Variants in PPP2R2B observed in about 807,000 individuals in gnomAD.
The protein encoded by PPP2R2B is serine/threonine-protein phosphatase 2A 55 kDa regulatory subunit B beta isoform.
PPP2R2B carries 5 observed loss-of-function variants against 46.0 expected under a neutral mutation model. That is an observed-to-expected ratio of 0.11 (90% CI 0.06 to 0.23). The LOEUF is 0.23. Among genes scored for constraint, PPP2R2B ranks in the 10% least tolerant of loss-of-function variants. The probability of loss-of-function intolerance (pLI) is 1.00; values close to 1 mark genes in which losing one functional copy is unlikely to be tolerated. For missense variants in PPP2R2B, 367 were observed against 575.0 expected, an observed-to-expected ratio of 0.64 and a Z score of 3.70; for synonymous variants, 215 against 206.7, an observed-to-expected ratio of 1.04 and a Z score of -0.34.
At chr5:147,056,476 A>G (rs1172550518), upstream of PPP2R2B, among the ~76,000 whole-genome samples, 7 of 152,218 alleles carry the variant, frequency 4.6e-5, no homozygotes, top group Admixed American at 3.9e-4. Flanking sequence ...CAGCCTTAAC[A>G]GTGAAGCAAT....
At chr5:146,687,503 G>T (rs146185567) in intron 5 of PPP2R2B, among the ~76,000 whole-genome samples, 1 of 151,962 alleles carries the variant, frequency 6.6e-6, no homozygotes, top group Admixed American at 6.6e-5. Flanking sequence ...CTAGATACCC[G>T]CATTTTCACC....
At chr5:146,942,515 A>C (rs980207222) in intron 1 of PPP2R2B, among the ~76,000 whole-genome samples, 2 of 152,194 alleles carry the variant, frequency 1.3e-5, no homozygotes, top group African/African-American at 4.8e-5. Context: ...GCACTTGTGC[A>C]ATTACTTCTT....
chr5:146,609,308 ACT>A (rs2151033393), intron 7 of PPP2R2B, among the ~76,000 whole-genome samples: 1 of 152,360 alleles, frequency 6.6e-6, no homozygotes, highest in African/African-American at 2.4e-5. Context: ...AAAGATGCCC[ACT>A]GTCACCACTG....
chr5:146,661,408 G>A (rs555536120), intron 5 of PPP2R2B, among the ~76,000 whole-genome samples: 35 of 151,982 alleles, frequency 2.3e-4, no homozygotes, highest in Admixed American at 5.3e-4. Flanking sequence ...TCATGAAGAC[G>A]TTTTGGATTA....
intron 1 of PPP2R2B, among the ~76,000 whole-genome samples, chr5:146,974,296 C>A (rs1752794610): frequency 6.6e-6 from 1 of 152,158 alleles, no homozygotes; most frequent in Admixed American, 6.5e-5. Context: ...CTTTAACATA[C>A]ATTAATTTAT....
chr5:146,911,716 A>G lies in PPP2R2B; in HGVS notation c.79+143949T>C, dbSNP rs151135634. Among the ~76,000 whole-genome samples the G allele has an allele frequency of 6.6e-5, 10 of 152,300 alleles. No individual in the cohort carries two copies. In the East Asian group the frequency reaches 1.9e-3, roughly 29 times the overall value. Reference sequence around the variant, plus strand: ...GTGAACCCAAATACCTCTTCCCTCTATATGGCCACACCTAGGTCCAATTTT... The same window carrying G: ...GTGAACCCAAATACCTCTTCCCTCTGTATGGCCACACCTAGGTCCAATTTT... On this transcript the variant is annotated intron_variant, in intron 1 of 8. Transcript: ENST00000336640.
chr5:147,069,797 T>G (rs891793866), intron 2 of PPP2R2B, among the ~76,000 whole-genome samples: 1 of 126,956 alleles, frequency 7.9e-6, no homozygotes, highest in South Asian at 2.8e-4. Context: ...TTTTTTTTTT[T>G]TTTTTTTTTT....
At chr5:146,956,335 C>T (rs940085787) in intron 1 of PPP2R2B, among the ~76,000 whole-genome samples, 1 of 152,100 alleles carries the variant, frequency 6.6e-6, no homozygotes, top group East Asian at 1.9e-4. Context: ...TCTTGACTCC[C>T]ATGCTCTTTG....
intron 7 of PPP2R2B, among the ~76,000 whole-genome samples, chr5:146,631,774 AT>A (rs557167817): frequency 2.1e-4 from 32 of 152,278 alleles, no homozygotes; most frequent in Non-Finnish European, 1.2e-4. Context: ...TCGAGACCCA[AT>A]GCACAGGTTT....
intron 1 of PPP2R2B, among the ~76,000 whole-genome samples, chr5:146,900,268 C>T (rs1387123932): frequency 1.3e-5 from 2 of 152,152 alleles, no homozygotes; most frequent in African/African-American, 4.8e-5. Context: ...CATACCTGAG[C>T]CAATCTGCTA....
intron 1 of PPP2R2B, among the ~76,000 whole-genome samples, chr5:147,041,899 C>T (rs1756326737): frequency 6.6e-6 from 1 of 152,092 alleles, no homozygotes; most frequent in Admixed American, 6.5e-5. Flanking sequence ...CCTAGCCTTG[C>T]TTCCACCTGA....
At chr5:146,967,872 A>G (rs1671333081) in intron 1 of PPP2R2B, among the ~76,000 whole-genome samples, 1 of 152,186 alleles carries the variant, frequency 6.6e-6, no homozygotes, top group African/African-American at 2.4e-5. Context: ...TCAGCCAAGA[A>G]CCAGAAATAT....
intron 2 of PPP2R2B, chr5:146,707,562 T>C: frequency 1.4e-6 from 1 of 713,154 alleles, no homozygotes; most frequent in South Asian, 1.5e-5. Flanking sequence ...GTGCCAGAGG[T>C]GGACACCTTG....
At chr5:146,738,124 C>T (rs1259002105) in intron 2 of PPP2R2B, among the ~76,000 whole-genome samples, 1 of 151,804 alleles carries the variant, frequency 6.6e-6, no homozygotes, top group Non-Finnish European at 1.5e-5. Context: ...GGGCTGGGCG[C>T]GGTGGCTCAC....
At chr5:146,960,493 T>C (rs373091238) in intron 1 of PPP2R2B, among the ~76,000 whole-genome samples, 1 of 152,148 alleles carries the variant, frequency 6.6e-6, no homozygotes, top group African/African-American at 2.4e-5. Flanking sequence ...TTTCACCATG[T>C]TGGTCAGGCT....
intron 1 of PPP2R2B, among the ~76,000 whole-genome samples, chr5:147,024,056 C>G (rs1001468819): frequency 1.3e-5 from 2 of 152,210 alleles, no homozygotes; most frequent in South Asian, 2.1e-4. Flanking sequence ...CTGAGTTACA[C>G]TACTGGCTTT....
At chr5:146,969,366 A>T (rs911063174) in intron 1 of PPP2R2B, among the ~76,000 whole-genome samples, 16 of 152,172 alleles carry the variant, frequency 1.1e-4, no homozygotes, top group Admixed American at 5.9e-4. Context: ...TGGCTGGAAT[A>T]AAGTGCTGAA....
At chr5:146,927,846 G>T (rs1055626458) in intron 1 of PPP2R2B, among the ~76,000 whole-genome samples, 18 of 151,576 alleles carry the variant, frequency 1.2e-4, no homozygotes, top group African/African-American at 4.4e-4. Flanking sequence ...CGATTCTCCT[G>T]CCTACTCTCT....
chr5:146,850,241 T>C (rs975971336), intron 2 of PPP2R2B, among the ~76,000 whole-genome samples: 11 of 152,170 alleles, frequency 7.2e-5, no homozygotes, highest in African/African-American at 2.7e-4. Context: ...GTACATTTTG[T>C]GTCAGTTTCA....
Sources: gnomAD v4.1 joint callset for allele counts (sites outside exome capture counted in the v4.1 genomes callset) on GRCh38, gnomAD v4.1.1 for gene constraint, MANE v1.5 for transcripts, NCBI Gene and HGNC (gene_info 2026-07-23, HGNC 2026-07-21) for gene names.